The following BCL2 variants were observed in gnomAD, a reference collection of about 807,000 sequenced individuals.
BCL2 encodes apoptosis regulator Bcl-2.
BCL2 carries 1 observed loss-of-function variant against 14.2 expected under a neutral mutation model. The observed-to-expected ratio is 0.07, with a 90% CI of 0.02 to 0.33. The LOEUF (loss-of-function observed/expected upper bound fraction) is 0.33. Ranked by LOEUF, BCL2 falls within the 10% of genes least tolerant of loss-of-function variation. The pLI, the probability that BCL2 is intolerant of heterozygous loss-of-function variation, is 0.99. For synonymous variants in BCL2, 151 were observed against 137.2 expected, an observed-to-expected ratio of 1.10 and a Z score of -0.70; for missense variants, 247 against 305.9, an observed-to-expected ratio of 0.81 and a Z score of 1.44.
In BCL2 at chr18:63,247,200, A is replaced by T. The variant is rs1198562325; in HGVS notation, c.585+70882T>A. ...TTCTCATCTTTGAAGATGCAACAGG[A>T]TTTTTTTTTTTTTTTTGAGACGAAG... On this transcript the variant is annotated intron_variant, in intron 2 of 2. Transcript: ENST00000333681. Among the ~76,000 whole-genome samples, 4 of 143,054 alleles carry T rather than the reference A, an allele frequency of 2.8e-5. No individual in the cohort carries two copies. In the South Asian group the frequency reaches 6.7e-4, roughly 24 times the overall value. 93.8% of individuals were successfully genotyped at this position (143,054 alleles called of 152,430 possible).
At chr18:63,248,792 G>A (rs529014858) in intron 2 of BCL2, among the ~76,000 whole-genome samples, 1 of 152,346 alleles carries the variant, frequency 6.6e-6, no homozygotes, top group East Asian at 1.9e-4. Context: ...CCTTGTTGCA[G>A]AGGTGGGATC....
At chr18:63,222,512 A>G (rs1035853536) in intron 2 of BCL2, among the ~76,000 whole-genome samples, 1 of 152,166 alleles carries the variant, frequency 6.6e-6, no homozygotes, top group African/African-American at 2.4e-5. Flanking sequence ...ATAAAGACTA[A>G]AAGCCATAAG....
At chr18:63,311,026 C>CTT (rs1324896870) in intron 2 of BCL2, among the ~76,000 whole-genome samples, 1 of 140,202 alleles carries the variant, frequency 7.1e-6, no homozygotes, top group Non-Finnish European at 1.6e-5. Flanking sequence ...TATGGACTCG[C>CTT]TTTTTTTTTT....
chr18:63,171,922 A>G lies in BCL2; in HGVS notation c.586-43163T>C, dbSNP rs541653502. Among the ~76,000 whole-genome samples the G allele has an allele frequency of 5.3e-5, 8 of 152,374 alleles. No homozygotes were observed. The East Asian group carries it at 9.6e-4, about 18-fold the overall frequency. ...CTTGAGTCCAGGGGTTTGAGGCTGC[A>G]GTGAGCTATGATCACACCACTGCAC... is the stretch of plus-strand genomic sequence containing the variant. On this transcript the variant is annotated intron_variant, in intron 2 of 2. Transcript: ENST00000333681.
chr18:63,169,432 T>C (rs1226640634), intron 2 of BCL2, among the ~76,000 whole-genome samples: 16 of 147,230 alleles, frequency 1.1e-4, no homozygotes, highest in African/African-American at 3.9e-4. Context: ...TCTCTCTTTC[T>C]TTTTCTTTCT....
intron 2 of BCL2, among the ~76,000 whole-genome samples, chr18:63,228,776 TC>T (rs1249221175): frequency 1.3e-5 from 2 of 152,012 alleles, no homozygotes; most frequent in African/African-American, 4.8e-5. Context: ...TGGCATGATC[TC>T]CGCTTACTGC....
intron 2 of BCL2, among the ~76,000 whole-genome samples, chr18:63,205,936 A>G (rs1909824051): frequency 6.6e-6 from 1 of 152,228 alleles, no homozygotes; most frequent in Admixed American, 6.5e-5. Flanking sequence ...TCTAAGAAAG[A>G]GGAGACCACA....
At chr18:63,172,343 G>A (rs914121418) in intron 2 of BCL2, among the ~76,000 whole-genome samples, 29 of 152,172 alleles carry the variant, frequency 1.9e-4, no homozygotes, top group African/African-American at 6.0e-4. Flanking sequence ...CAAGAACAAC[G>A]CAGACACTAA....
At chr18:63,237,306 G>C (rs1407576787) in intron 2 of BCL2, among the ~76,000 whole-genome samples, 1 of 152,132 alleles carries the variant, frequency 6.6e-6, no homozygotes, top group Admixed American at 6.5e-5. Flanking sequence ...TGCACCACAT[G>C]CACATTTTAG....
At chr18:63,226,611 T>C (rs908521724) in intron 2 of BCL2, among the ~76,000 whole-genome samples, 1 of 152,150 alleles carries the variant, frequency 6.6e-6, no homozygotes, top group Non-Finnish European at 1.5e-5. Context: ...AAAAACAAGT[T>C]GTGAAAAAAT....
At chr18:63,312,780 C>G (rs941101050) in intron 2 of BCL2, among the ~76,000 whole-genome samples, 1 of 152,140 alleles carries the variant, frequency 6.6e-6, no homozygotes, top group Non-Finnish European at 1.5e-5. Flanking sequence ...TTCAAATTAC[C>G]CTGTTCCAGT....
chr18:63,262,955 C>CCTA (rs1459798064), intron 2 of BCL2, among the ~76,000 whole-genome samples: 1 of 152,192 alleles, frequency 6.6e-6, no homozygotes, highest in Non-Finnish European at 1.5e-5. Flanking sequence ...CCAGAATTCT[C>CCTA]CTACTGCACA....
chr18:63,128,808 G>C (rs573393694), intron 2 of BCL2, 49 bp from the exon 3 acceptor site: 2 of 735,606 alleles, frequency 2.7e-6, no homozygotes, highest in South Asian at 1.5e-5. Flanking sequence ...ATTAGAGAGA[G>C]AGCAGAGAAT....
chr18:63,187,738 G>C (rs549070063), intron 2 of BCL2, among the ~76,000 whole-genome samples: 62 of 152,324 alleles, frequency 4.1e-4, no homozygotes, highest in African/African-American at 1.4e-3. Flanking sequence ...GGCCACCCTG[G>C]GGGTACACGT....
At chr18:63,156,323 T>G (rs1351566824) in intron 2 of BCL2, among the ~76,000 whole-genome samples, 1 of 152,178 alleles carries the variant, frequency 6.6e-6, no homozygotes, top group African/African-American at 2.4e-5. Flanking sequence ...TTAGATCAAT[T>G]GACATTCTGG....
intron 2 of BCL2, among the ~76,000 whole-genome samples, chr18:63,198,908 TATACAGACAC>T (rs1568231597): frequency 3.1e-4 from 10 of 32,382 alleles, no homozygotes; most frequent in Non-Finnish European, 4.0e-4. Flanking sequence ...CACACAGACA[TATACAGACAC>T]ACACAGACAC....
At chr18:63,139,143 A>G (rs4987830) in intron 2 of BCL2, among the ~76,000 whole-genome samples, 7,750 of 152,232 alleles carry the variant, frequency 0.051, 300 homozygotes, top group Non-Finnish European at 0.077. Context: ...CACAGAACCA[A>G]GTTCCCTACT....
intron 2 of BCL2, among the ~76,000 whole-genome samples, chr18:63,202,391 A>G (rs1272319978): frequency 2.0e-5 from 3 of 152,218 alleles, no homozygotes; most frequent in African/African-American, 7.2e-5. Context: ...CTTCACTAAG[A>G]TTTAGAAGAC....
chr18:63,171,317 T>C (rs1450555151), intron 2 of BCL2, among the ~76,000 whole-genome samples: 2 of 152,232 alleles, frequency 1.3e-5, no homozygotes, highest in African/African-American at 4.8e-5. Context: ...AGGATTTAAA[T>C]AGCCTGCTGA....
Sources: allele counts gnomAD v4.1 joint callset (sites outside exome capture counted in the v4.1 genomes callset), GRCh38; gene constraint gnomAD v4.1.1; transcripts MANE v1.5; gene names NCBI Gene and HGNC (gene_info 2026-07-23, HGNC 2026-07-21).